WIF1: variants seen among roughly 807,000 people sequenced by gnomAD.
WIF1 encodes the protein Wnt inhibitory factor 1.
Under a neutral mutation model 53.5 loss-of-function variants are expected in WIF1, and 35 were observed. The ratio of observed to expected loss-of-function variants is 0.65; its 90% confidence interval spans 0.50 to 0.87. The LOEUF (loss-of-function observed/expected upper bound fraction) is 0.87. WIF1 is among the 40% of genes least tolerant of loss of function. The pLI is 0.00. For missense variants in WIF1, 467 were observed against 476.8 expected, an observed-to-expected ratio of 0.98 and a Z score of 0.19; for synonymous variants, 171 against 170.4, an observed-to-expected ratio of 1.00 and a Z score of -0.03.
chr12:65,089,835 G>A (rs1883097012), intron 2 of WIF1, among the ~76,000 whole-genome samples: 3 of 151,964 alleles, frequency 2.0e-5, no homozygotes, highest in Admixed American at 2.0e-4. Flanking sequence ...TGTACTTACG[G>A]TAAAAATCTA....
intron 2 of WIF1, among the ~76,000 whole-genome samples, chr12:65,103,672 G>A (rs773400817): frequency 6.6e-6 from 1 of 152,128 alleles, no homozygotes; most frequent in Non-Finnish European, 1.5e-5. Context: ...AAATTGATTT[G>A]AGTGGACAGG....
At chr12:65,113,548 C>T (rs1346195731) in intron 2 of WIF1, among the ~76,000 whole-genome samples, 2 of 151,814 alleles carry the variant, frequency 1.3e-5, no homozygotes, top group East Asian at 1.9e-4. Flanking sequence ...GCCATAGAAC[C>T]AGATGTGGCT....
chr12:65,069,797 C>T (rs1882745388), intron 3 of WIF1, among the ~76,000 whole-genome samples: 1 of 152,102 alleles, frequency 6.6e-6, no homozygotes, highest in African/African-American at 2.4e-5. Context: ...GAAAATGGGG[C>T]AAATCAGATG....
At position 65,092,002 on chromosome 12, in the gene WIF1, A is replaced by G. The variant is rs113974210; in HGVS notation, c.289-14148T>C. ...TAATTTTTAAAGAAATATTTAAATGAACATATATCAAGTAATGACAGGCAC... is the reference window on the plus strand; with the variant it reads ...TAATTTTTAAAGAAATATTTAAATGGACATATATCAAGTAATGACAGGCAC... On this transcript the variant is annotated intron_variant, in intron 2 of 9. Coordinates refer to ENST00000286574, the MANE Select transcript of WIF1 (RefSeq NM_007191.5). Among the ~76,000 whole-genome samples the G allele has an allele frequency of 5.5e-3, 839 of 152,292 alleles. 6 individuals are homozygous for G. Among genetic ancestry groups the G allele is most frequent in the African/African-American group, 0.018 (761 of 41,558 alleles).
intron 5 of WIF1, 21 bp downstream of exon 5, chr12:65,067,674 G>A (rs779770153): frequency 6.2e-7 from 1 of 1,605,626 alleles, no homozygotes; most frequent in Non-Finnish European, 8.5e-7. Flanking sequence ...GGGAGCAAGG[G>A]AAATCGGCTC....
At chr12:65,082,842 A>C (rs1407354604) in intron 2 of WIF1, among the ~76,000 whole-genome samples, 1 of 152,176 alleles carries the variant, frequency 6.6e-6, no homozygotes, top group Non-Finnish European at 1.5e-5. Flanking sequence ...TACTTAATCT[A>C]ATAAGCACAA....
At chr12:65,097,896 G>A (rs1215586357) in intron 2 of WIF1, among the ~76,000 whole-genome samples, 1 of 152,124 alleles carries the variant, frequency 6.6e-6, no homozygotes, top group Non-Finnish European at 1.5e-5. Flanking sequence ...AATTCAAAAT[G>A]TTCTAGTATC....
chr12:65,100,653 A>G (rs1883269016), intron 2 of WIF1, among the ~76,000 whole-genome samples: 2 of 152,130 alleles, frequency 1.3e-5, no homozygotes, highest in African/African-American at 2.4e-5. Context: ...AGTTTTACGC[A>G]TCAAGTTGTT....
Position 65,066,666 on chromosome 12 carries a change from T to C in WIF1, c.705A>G (p.Gly235=). 6.2e-7 allele frequency: 1 copy of C among 1,610,438 alleles called. No individual in the cohort carries two copies. The highest frequency in any genetic ancestry group is 8.5e-7 in the Non-Finnish European group (1 of 1,178,154). ...VTPGFCICPP[G]FYGVNCDKAN... ...CTTTGTCACAGTTCACTCCATAGAA[T>C]CCAGGTGGGCAGATGCAGAAACCAG... The change falls in exon 6 of 10, where the codon GGA becomes GGG. Residue 235 remains glycine, a synonymous_variant. Coordinates refer to ENST00000286574, the MANE Select transcript of WIF1 (RefSeq NM_007191.5).
chr12:65,063,324 G>C (rs1882641435), intron 6 of WIF1, among the ~76,000 whole-genome samples: 1 of 152,202 alleles, frequency 6.6e-6, no homozygotes, highest in Non-Finnish European at 1.5e-5. Flanking sequence ...ACCTAAAATA[G>C]AGGGAGGATG....
chr12:65,062,405 C>T, intron 7 of WIF1, 76 bp downstream of exon 7: 1 of 1,278,408 alleles, frequency 7.8e-7, no homozygotes, highest in South Asian at 1.4e-5. Context: ...CCGACTCCTC[C>T]TTGATAAAAT....
intron 2 of WIF1, among the ~76,000 whole-genome samples, chr12:65,100,071 A>G (rs1172235494): frequency 6.6e-6 from 1 of 152,246 alleles, no homozygotes; most frequent in East Asian, 1.9e-4. Context: ...AAGCATACAA[A>G]GAAACTCATA....
At chr12:65,071,228 C>A (rs547065221) in intron 3 of WIF1, among the ~76,000 whole-genome samples, 1 of 90,672 alleles carries the variant, frequency 1.1e-5, no homozygotes, top group Non-Finnish European at 2.1e-5. Context: ...AGCAAGACTC[C>A]ATCAAAAAAA....
chr12:65,092,985 A>G (rs1440082896), intron 2 of WIF1, among the ~76,000 whole-genome samples: 4 of 152,138 alleles, frequency 2.6e-5, no homozygotes, highest in African/African-American at 7.2e-5. Flanking sequence ...AGGGTCAACC[A>G]TGTTGCAACC....
At chr12:65,098,732 T>C (rs1025302337) in intron 2 of WIF1, among the ~76,000 whole-genome samples, 3 of 152,112 alleles carry the variant, frequency 2.0e-5, no homozygotes, top group Non-Finnish European at 4.4e-5. Flanking sequence ...AGAGAAAAAC[T>C]GTAGGCAACT....
intron 2 of WIF1, among the ~76,000 whole-genome samples, chr12:65,098,160 T>C (rs558989380): frequency 2.6e-5 from 4 of 152,272 alleles, no homozygotes; most frequent in Admixed American, 2.0e-4. Flanking sequence ...TAACATAGGG[T>C]CAGGCCAATT....
chr12:65,083,829 CTCTTT>C (rs71096022), intron 2 of WIF1: 2,554 of 251,842 alleles, frequency 0.01, 89 homozygotes, highest in Middle Eastern at 0.028. Context: ...CTCCTCTTTT[CTCTTT>C]TCTTTTCTTT....
chr12:65,099,313 A>G (rs776644676), intron 2 of WIF1, among the ~76,000 whole-genome samples: 36 of 152,192 alleles, frequency 2.4e-4, no homozygotes, highest in Non-Finnish European at 4.6e-4. Flanking sequence ...GGAATGATTG[A>G]GAATGATTTC....
At chr12:65,088,974 A>C (rs1340206654) in intron 2 of WIF1, among the ~76,000 whole-genome samples, 1 of 152,116 alleles carries the variant, frequency 6.6e-6, no homozygotes, top group Non-Finnish European at 1.5e-5. Flanking sequence ...TGTTCCCAGG[A>C]AACAACTACT....
Sources: allele counts gnomAD v4.1 joint callset (sites outside exome capture counted in the v4.1 genomes callset), GRCh38; gene constraint gnomAD v4.1.1; transcripts MANE v1.5; gene names NCBI Gene and HGNC (gene_info 2026-07-23, HGNC 2026-07-21).